The following PLA2R1 variants were observed in gnomAD, a reference collection of about 807,000 sequenced individuals.
PLA2R1 encodes phospholipase A2 receptor 1.
Under a neutral mutation model 195.9 loss-of-function variants are expected in PLA2R1, and 158 were observed. The observed-to-expected ratio is 0.81, with a 90% confidence interval of 0.71 to 0.92. The LOEUF (loss-of-function observed/expected upper bound fraction) is 0.92, where lower values mean the gene tolerates loss of function less well. PLA2R1 is among the 40% of genes least tolerant of loss of function. The probability of loss-of-function intolerance (pLI) is 0.00; values close to 1 mark genes in which losing one functional copy is unlikely to be tolerated. For missense variants in PLA2R1, 1,626 were observed against 1,764.6 expected (o/e 0.92, Z 1.41); for synonymous variants, 586 against 598.2 (o/e 0.98, Z 0.30).
At chr2:159,943,809 T>C (rs139390828) in intron 28 of PLA2R1, among the ~76,000 whole-genome samples, 4 of 151,696 alleles carry the variant, frequency 2.6e-5, no homozygotes, top group African/African-American at 4.9e-5. Flanking sequence ...TTTTCTTTTT[T>C]TTTTTTTTTC....
chr2:160,021,687 C>T (rs2715932), intron 7 of PLA2R1, among the ~76,000 whole-genome samples: 110,551 of 152,146 alleles, frequency 0.73, 40,596 homozygotes, highest in East Asian at 0.87. Context: ...GTTCACCATC[C>T]AGGTGATGGG....
intron 8 of PLA2R1, among the ~76,000 whole-genome samples, chr2:160,019,163 G>C (rs942255762): frequency 3.9e-5 from 6 of 152,072 alleles, no homozygotes; most frequent in Admixed American, 2.6e-4. Context: ...CAGGCTACTG[G>C]GACCACTCCA....
At chr2:159,998,028 C>T (rs1558888058) in intron 11 of PLA2R1, among the ~76,000 whole-genome samples, 1 of 151,960 alleles carries the variant, frequency 6.6e-6, no homozygotes, top group African/African-American at 2.4e-5. Context: ...TTTTTAAAAA[C>T]ATTTAACACT....
intron 11 of PLA2R1, 59 bp downstream of exon 11, chr2:160,005,593 G>A (rs1691924824): frequency 3.4e-6 from 5 of 1,457,312 alleles, no homozygotes; most frequent in Non-Finnish European, 4.7e-6. Context: ...GCCAAGGGGT[G>A]GAAGGAATTT....
rs1690416593 is a variant in PLA2R1 at position 159,987,266 on chromosome 2, A to C, written c.1927T>G (p.Cys643Gly). The change falls in exon 12 of 30, where the codon TGC becomes GGC. Residue 643 changes from cysteine to glycine, a missense_variant. Cys to Gly is a radical substitution (Grantham distance 159). Transcript: ENST00000283243. ...TCCTGATTTTCAACTGGCTGCTTGC[A>C]CAAGGACATTGCCTTAAAGTGCCGA... ...HCRHFKAMSL[C>G]KQPVENQEKA... 1 of 1,613,388 alleles carries C rather than the reference A, an allele frequency of 6.2e-7. No individual in the cohort carries two copies. The highest frequency in any genetic ancestry group is 8.5e-7 in the Non-Finnish European group (1 of 1,179,908).
intron 21 of PLA2R1, 54 bp downstream of exon 21, chr2:159,956,456 A>G: frequency 4.4e-6 from 4 of 899,308 alleles, no homozygotes; most frequent in Non-Finnish European, 7.6e-6. Flanking sequence ...ATATTTTAAT[A>G]AATACTTGAA....
chr2:160,043,939 C>T (rs969393853), intron 2 of PLA2R1, among the ~76,000 whole-genome samples: 3 of 152,148 alleles, frequency 2.0e-5, no homozygotes, highest in African/African-American at 7.2e-5. Flanking sequence ...GTAGGGGCTC[C>T]ACCTGTCCTG....
chr2:159,946,084 G>A lies in PLA2R1; in HGVS notation c.3967+717C>T, dbSNP rs755987727. ...AGCCATGTACCAAGGGGGTAGGGGC[G>A]GTAGGAGAGTCCATCCCATGTGTGG... On this transcript the variant is annotated intron_variant, in intron 27 of 29. Coordinates refer to ENST00000283243, the MANE Select transcript of PLA2R1 (RefSeq NM_007366.5). 1.2e-5 allele frequency: 11 copies of A among 898,916 alleles called. No homozygotes were observed. The South Asian group carries it at 2.0e-4, about 17-fold the overall frequency. 55.7% of individuals were successfully genotyped at this position (898,916 alleles called of 1,614,324 possible). A position where few individuals can be genotyped will look rare whatever the true frequency, so the allele number is the denominator to read the frequency against.
At chr2:160,018,067 C>T (rs1558937785) in intron 8 of PLA2R1, among the ~76,000 whole-genome samples, 1 of 152,042 alleles carries the variant, frequency 6.6e-6, no homozygotes. Flanking sequence ...ATACTAAGTT[C>T]TACTCCATGG....
intron 11 of PLA2R1, among the ~76,000 whole-genome samples, chr2:159,989,747 T>C (rs1690629859): frequency 6.6e-6 from 1 of 152,220 alleles, no homozygotes; most frequent in African/African-American, 2.4e-5. Flanking sequence ...TATGGCCATT[T>C]TCATTACAAA....
At chr2:160,039,088 A>C (rs2105569929) in intron 3 of PLA2R1, among the ~76,000 whole-genome samples, 1 of 152,082 alleles carries the variant, frequency 6.6e-6, no homozygotes, top group East Asian at 1.9e-4. Flanking sequence ...CTGATCTCAA[A>C]CTCCTGACCT....
intron 23 of PLA2R1, among the ~76,000 whole-genome samples, chr2:159,951,851 T>C (rs1687766189): frequency 6.6e-6 from 1 of 152,346 alleles, no homozygotes; most frequent in African/African-American, 2.4e-5. Flanking sequence ...CTTTATCAAA[T>C]TGACTGCTTT....
At chr2:160,061,268 T>C (rs1223883378) in intron 1 of PLA2R1, among the ~76,000 whole-genome samples, 2 of 152,222 alleles carry the variant, frequency 1.3e-5, no homozygotes, top group Non-Finnish European at 2.9e-5. Context: ...CAGGCTTCTC[T>C]GCCTGAGGTG....
At position 160,044,862 on chromosome 2, in the gene PLA2R1, G is replaced by A; in HGVS notation, c.405C>T (p.Asp135=). The A allele has an allele frequency of 6.2e-7, 1 of 1,614,062 alleles. No individual in the cohort carries two copies. The highest frequency in any genetic ancestry group is 8.5e-7 in the Non-Finnish European group (1 of 1,179,898). ...ACTTCCGTGAGGCCACCACTGTGTT[G>A]TCATGCGCCACCTGGACAGAGTACT... ...PLQYSVQVAH[D]NTVVASRKYI... The change falls in exon 2 of 30, where the codon GAC becomes GAT. Residue 135 remains aspartate (D), a synonymous_variant. Coordinates refer to ENST00000283243, the MANE Select transcript of PLA2R1 (RefSeq NM_007366.5).
chr2:159,930,281 G>A (rs992472749), downstream of PLA2R1, among the ~76,000 whole-genome samples: 1 of 152,070 alleles, frequency 6.6e-6, no homozygotes, highest in African/African-American at 2.4e-5. Flanking sequence ...GGTGGCACGC[G>A]CCTGTAGTCC....
chr2:160,010,063 A>C (rs1692257575), intron 10 of PLA2R1, among the ~76,000 whole-genome samples: 1 of 152,136 alleles, frequency 6.6e-6, no homozygotes, highest in African/African-American at 2.4e-5. Flanking sequence ...TGAGTCATGA[A>C]GGCACCACTA....
rs778608212 is a variant in PLA2R1, at chr2:159,967,573, G to A, written c.2870C>T (p.Thr957Met). ...KKKDTPKQHG[T>M]CPKGWLYFNY... Reference sequence around the variant, plus strand: ...AAAATATAGCCATCCTTTGGGACACGTTCCATGTTGTTTTGGTGTATCTTT... The same window carrying A: ...AAAATATAGCCATCCTTTGGGACACATTCCATGTTGTTTTGGTGTATCTTT... The change falls in exon 20 of 30, where the codon ACG (threonine) becomes ATG (methionine). Residue 957 changes from threonine to methionine, a missense_variant. Thr to Met is a moderately conservative substitution (Grantham distance 81). Coordinates refer to ENST00000283243, the MANE Select transcript of PLA2R1 (RefSeq NM_007366.5). 91 of 1,613,426 alleles carry A rather than the reference G, an allele frequency of 5.6e-5. No individual in the cohort carries two copies. Among genetic ancestry groups the A allele is most frequent in the Admixed American group, 1.7e-4 (10 of 59,986 alleles).
At chr2:159,971,590 T>C (rs1689194391) in intron 17 of PLA2R1, among the ~76,000 whole-genome samples, 2 of 152,144 alleles carry the variant, frequency 1.3e-5, no homozygotes. Context: ...AGGGTTTTTC[T>C]AAGACCTGTA....
At chr2:160,023,946 T>C (rs1357139294) in intron 6 of PLA2R1, among the ~76,000 whole-genome samples, 1 of 133,468 alleles carries the variant, frequency 7.5e-6, no homozygotes, top group East Asian at 2.5e-4. Flanking sequence ...GAGAGACTTC[T>C]CTCTGTAAGG....
Sources: gnomAD v4.1 joint callset for allele counts (sites outside exome capture counted in the v4.1 genomes callset) on GRCh38, gnomAD v4.1.1 for gene constraint, MANE v1.5 for transcripts, NCBI Gene and HGNC (gene_info 2026-07-23, HGNC 2026-07-21) for gene names.